Variants in ZNF157 observed in about 807,000 individuals in gnomAD.
ZNF157 encodes zinc finger protein 22.
A neutral mutation model predicts 9.4 loss-of-function variants in ZNF157; 8 were observed. The ratio of observed to expected loss-of-function variants is 0.85; its 90% CI spans 0.50 to 1.53. The LOEUF (loss-of-function observed/expected upper bound fraction) is 1.53, where lower values mean the gene tolerates loss of function less well. ZNF157 is among the 40% of genes most tolerant of loss of function. ZNF157 has a pLI of 0.00. For missense variants in ZNF157, 316 were observed against 385.2 expected (o/e 0.82, Z 1.50); for synonymous variants, 120 against 130.8 (o/e 0.92, Z 0.56).
At chrX:47,374,811 C>T (rs1319176107) in intron 1 of ZNF157, among the ~76,000 whole-genome samples, 29 of 97,787 alleles carry the variant, frequency 3.0e-4, no homozygotes, top group Admixed American at 1.9e-3. Context: ...CAGCTTCAAG[C>T]TATTCTCCTG....
rs772657775 is a variant in ZNF157, at chrX:47,373,705, GT to G, written c.72+2983del. ...TAATTAGGACTCCACATTTCCCTGA[GT>G]TTTTTTTTTTTTTTTTTAAATGCAG... On this transcript the variant is annotated intron_variant, in intron 1 of 3. Transcript: ENST00000377073. Among the ~76,000 whole-genome samples, 874 of 94,241 alleles carry G rather than the reference GT, an allele frequency of 9.3e-3. 3 individuals are homozygous for G. The highest frequency in any genetic ancestry group is 0.019 in the African/African-American group (492 of 25,751). The allele number at this position is 94,241 out of a possible 115,157, so 81.8% of individuals were successfully genotyped here.
chrX:47,387,342 C>T (rs1282239298), intron 1 of ZNF157, among the ~76,000 whole-genome samples: 2 of 109,595 alleles, frequency 1.8e-5, no homozygotes, highest in East Asian at 5.9e-4. Context: ...AGGCTAGTCT[C>T]GAACTCCCGA....
intron 1 of ZNF157, among the ~76,000 whole-genome samples, chrX:47,400,280 C>T (rs1329195427): frequency 1.8e-5 from 2 of 111,264 alleles, no homozygotes; most frequent in African/African-American, 6.5e-5. Flanking sequence ...GGATTACAGG[C>T]GTGAGCCACT....
intron 1 of ZNF157, among the ~76,000 whole-genome samples, chrX:47,392,993 A>G (rs1159502680): frequency 9.0e-6 from 1 of 110,715 alleles, no homozygotes; most frequent in Non-Finnish European, 1.9e-5. Flanking sequence ...CGTCTCTATT[A>G]AAAATACAAA....
chrX:47,399,048 C>T (rs7054455), intron 1 of ZNF157, among the ~76,000 whole-genome samples: 9,891 of 111,480 alleles, frequency 0.089, 1,088 homozygotes, highest in African/African-American at 0.3. Context: ...GTAATCCGCC[C>T]GCCTTGGCCT....
intron 1 of ZNF157, among the ~76,000 whole-genome samples, chrX:47,381,749 A>G (rs886368876): frequency 1.8e-5 from 2 of 111,723 alleles, no homozygotes; most frequent in Non-Finnish European, 3.8e-5. Flanking sequence ...TGCAGGACCC[A>G]CAGCTCATAG....
chrX:47,372,494 CTT>C (rs35123428), intron 1 of ZNF157, among the ~76,000 whole-genome samples: 5,616 of 85,682 alleles, frequency 0.066, 466 homozygotes, highest in African/African-American at 0.23. Flanking sequence ...TATTTGTATT[CTT>C]TTTTTTTTTT....
intron 1 of ZNF157, among the ~76,000 whole-genome samples, chrX:47,394,197 C>T (rs1373389094): frequency 9.0e-6 from 1 of 110,552 alleles, no homozygotes; most frequent in Non-Finnish European, 1.9e-5. Context: ...CTCATGACCT[C>T]GTGATCTGCC....
chrX:47,394,484 T>C (rs1379125232), intron 1 of ZNF157, among the ~76,000 whole-genome samples: 1 of 112,189 alleles, frequency 8.9e-6, no homozygotes, highest in Admixed American at 9.6e-5. Context: ...TCCTGAAAGC[T>C]GTAAGAAAAA....
chrX:47,380,684 G>C (rs2055858848), intron 1 of ZNF157, among the ~76,000 whole-genome samples: 1 of 111,530 alleles, frequency 9.0e-6, no homozygotes, highest in African/African-American at 3.2e-5. Context: ...TTTGGTATCT[G>C]TTGAGAGACT....
chrX:47,376,616 C>CA (rs1309694028), intron 1 of ZNF157, among the ~76,000 whole-genome samples: 72 of 108,303 alleles, frequency 6.6e-4, no homozygotes, highest in South Asian at 1.2e-3. Context: ...AACTCCGTCT[C>CA]AAAAAAAAAC....
chrX:47,396,410 A>G (rs2055913483), intron 1 of ZNF157, among the ~76,000 whole-genome samples: 2 of 110,271 alleles, frequency 1.8e-5, no homozygotes, highest in African/African-American at 6.6e-5. Flanking sequence ...GTGGTGGTGC[A>G]TCCCTGTAAT....
chrX:47,413,038 G>T lies in ZNF157; in HGVS notation c.965G>T (p.Arg322Ile), dbSNP rs763930507. 2 of 1,210,863 alleles carry T rather than the reference G, an allele frequency of 1.7e-6. No individual in the cohort carries two copies. Among genetic ancestry groups the T allele is most frequent in the Non-Finnish European group, 2.2e-6 (2 of 894,951 alleles). ...AAGAAATCCCTAAATCAGCATCAAA[G>T]AATTCACACAGGTGAGAAACCCTAT... ...RAKKSLNQHQ[R>I]IHTGEKPYEC... The change falls in exon 4 of 4, where the codon AGA (arginine) becomes ATA (isoleucine). Residue 322 changes from arginine to isoleucine, a missense_variant. Transcript: ENST00000377073.
intron 1 of ZNF157, among the ~76,000 whole-genome samples, chrX:47,383,998 G>A (rs1005025088): frequency 1.8e-5 from 2 of 110,071 alleles, no homozygotes; most frequent in Admixed American, 2.0e-4. Flanking sequence ...GGCTGGGTGC[G>A]GTTGCTCACC....
chrX:47,376,919 G>A (rs771103395), intron 1 of ZNF157, among the ~76,000 whole-genome samples: 1 of 111,572 alleles, frequency 9.0e-6, no homozygotes, highest in Non-Finnish European at 1.9e-5. Context: ...CTTGCCTGGG[G>A]ACTAGATTGC....
At chrX:47,379,238 C>T (rs988179860) in intron 1 of ZNF157, among the ~76,000 whole-genome samples, 1 of 108,937 alleles carries the variant, frequency 9.2e-6, no homozygotes, top group African/African-American at 3.3e-5. Flanking sequence ...AGCGATCCAC[C>T]CACCTCAGCC....
At chrX:47,402,243 C>G (rs6608716) in intron 1 of ZNF157, among the ~76,000 whole-genome samples, 29,344 of 110,264 alleles carry the variant, frequency 0.27, 3,070 homozygotes, top group South Asian at 0.41. Flanking sequence ...AGGAACCTAC[C>G]GAAGTTGTTT....
At chrX:47,396,257 T>C (rs1394022651) in intron 1 of ZNF157, among the ~76,000 whole-genome samples, 1 of 109,814 alleles carries the variant, frequency 9.1e-6, no homozygotes, top group Admixed American at 9.8e-5. Context: ...AATGATATAT[T>C]GGCCGGGTGC....
chrX:47,404,161 C>CTGTTTGTT (rs201953340), intron 1 of ZNF157, among the ~76,000 whole-genome samples: 9 of 107,672 alleles, frequency 8.4e-5, no homozygotes, highest in Non-Finnish European at 1.2e-4. Context: ...CAGAGCCAGA[C>CTGTTTGTT]TGTTTGTTTG....
Sources: gnomAD v4.1 joint callset for allele counts (sites outside exome capture counted in the v4.1 genomes callset) on GRCh38, gnomAD v4.1.1 for gene constraint, MANE v1.5 for transcripts, NCBI Gene and HGNC (gene_info 2026-07-23, HGNC 2026-07-21) for gene names.